Variants in IFT74 observed in about 807,000 individuals in gnomAD.
IFT74 encodes the protein intraflagellar transport 74.
In IFT74, 92 loss-of-function variants were observed where a neutral mutation model predicts 96.7. The ratio of observed to expected loss-of-function variants is 0.95; its 90% CI spans 0.80 to 1.13. IFT74 has a LOEUF of 1.13. Ranked by LOEUF, IFT74 falls within the 50% of genes most tolerant of loss-of-function variation. The pLI is 0.00. For synonymous variants in IFT74, 223 were observed against 213.2 expected (o/e 1.05, Z -0.40); for missense variants, 811 against 698.2 (o/e 1.16, Z -1.82).
At chr9:27,004,670 T>C (rs1042434953) in intron 8 of IFT74, among the ~76,000 whole-genome samples, 1 of 152,230 alleles carries the variant, frequency 6.6e-6, no homozygotes, top group Non-Finnish European at 1.5e-5. Flanking sequence ...CATTGTTGCT[T>C]TCTTTCTCCT....
intron 10 of IFT74, among the ~76,000 whole-genome samples, chr9:27,012,713 T>TTG (rs1554672805): frequency 2.3e-4 from 30 of 133,286 alleles, no homozygotes; most frequent in African/African-American, 7.1e-4. Flanking sequence ...TGTCTGTTTT[T>TTG]TTTTTTTTTT....
chr9:27,058,030 A>G (rs563007223), intron 18 of IFT74, among the ~76,000 whole-genome samples: 48 of 152,256 alleles, frequency 3.2e-4, no homozygotes, highest in Middle Eastern at 3.4e-3. Context: ...TATTGTTTTT[A>G]CAAAAAATAA....
At chr9:27,048,025 G>A in intron 15 of IFT74, 123 bp from the exon 16 acceptor site, 2 of 534,134 alleles carry the variant, frequency 3.7e-6, no homozygotes, top group Non-Finnish European at 6.2e-6. Flanking sequence ...AACTTGAATG[G>A]TGTATTTCAA....
chr9:26,965,289 A>G (rs1014693867), intron 2 of IFT74, among the ~76,000 whole-genome samples: 3 of 152,218 alleles, frequency 2.0e-5, no homozygotes, highest in Non-Finnish European at 4.4e-5. Context: ...GAGAAGGTGC[A>G]GAGGGCCAAT....
intron 11 of IFT74, 84 bp from the exon 12 acceptor site, chr9:27,018,563 T>G: frequency 1.5e-6 from 1 of 681,404 alleles, no homozygotes. Flanking sequence ...TTAGTACAAT[T>G]GTACTCTAGA....
chr9:27,044,111 C>CT (rs1819592107), intron 13 of IFT74, among the ~76,000 whole-genome samples: 1 of 152,204 alleles, frequency 6.6e-6, no homozygotes, highest in Non-Finnish European at 1.5e-5. Context: ...GGCCATACCA[C>CT]TCCCTCAGTT....
At chr9:27,032,581 G>A (rs577232999) in intron 13 of IFT74, among the ~76,000 whole-genome samples, 1 of 151,978 alleles carries the variant, frequency 6.6e-6, no homozygotes, top group East Asian at 1.9e-4. Flanking sequence ...AAAAAAAAGT[G>A]TCCTGGCCGG....
intron 1 of IFT74, among the ~76,000 whole-genome samples, chr9:26,957,451 A>G (rs1325864295): frequency 6.6e-6 from 1 of 152,222 alleles, no homozygotes; most frequent in Non-Finnish European, 1.5e-5. Context: ...TTTCCATTTG[A>G]AATTCTTTTG....
chr9:26,995,654 A>G, intron 8 of IFT74: 2 of 1,613,910 alleles, frequency 1.2e-6, no homozygotes, highest in Non-Finnish European at 8.5e-7. Flanking sequence ...TATCTGTGAA[A>G]GAGAGCTTGG....
intron 2 of IFT74, among the ~76,000 whole-genome samples, chr9:26,965,114 T>A (rs1195269949): frequency 1.3e-5 from 2 of 152,146 alleles, no homozygotes; most frequent in East Asian, 3.8e-4. Flanking sequence ...TACAAACTAC[T>A]TTCAAGATAT....
intron 8 of IFT74, among the ~76,000 whole-genome samples, chr9:27,000,979 C>T (rs1245389079): frequency 6.6e-6 from 1 of 152,162 alleles, no homozygotes; most frequent in African/African-American, 2.4e-5. Flanking sequence ...TTTCCAGCCT[C>T]TGGTAACCAC....
rs10967641 is a variant in IFT74 at position 26,984,426 on chromosome 9, T to A, written c.404+71T>A. On this transcript the variant is annotated intron_variant, in intron 5 of 19. Transcript: ENST00000380062. The stretch of plus-strand genomic sequence containing the variant: ...ATACTAACTTTGTAGCTATCCATAT[T>A]GTTTGTAATGTTCATTTTCTTATGT... The A allele has an allele frequency of 3.5e-3, 5,488 of 1,580,712 alleles. 173 individuals are homozygous for A. In the African/African-American group the frequency reaches 0.064, roughly 18 times the overall value.
rs769077886 is a variant in IFT74, at chr9:27,055,702, A to G, written c.1427A>G (p.Gln476Arg). The change falls in exon 17 of 20, where the codon CAA becomes CGA. Residue 476 changes from glutamine to arginine, a missense_variant. Transcript: ENST00000380062. ...EQHSLKSKIK[Q>R]MTTDLEIYND... ...CATTCTCTAAAAAGCAAAATTAAGC[A>G]AATGACAACTGATCTGGAGATATAT... The G allele has an allele frequency of 1.3e-6, 2 of 1,593,870 alleles. No individual in the cohort carries two copies. The highest frequency in any genetic ancestry group is 2.7e-5 in the African/African-American group (2 of 73,768).
chr9:26,978,709 C>A (rs553968877), intron 3 of IFT74, among the ~76,000 whole-genome samples: 1 of 152,068 alleles, frequency 6.6e-6, no homozygotes, highest in African/African-American at 2.4e-5. Flanking sequence ...ATTAAAATGA[C>A]ACTTAAAATA....
chr9:27,045,010 G>A (rs927240124), intron 14 of IFT74, among the ~76,000 whole-genome samples: 3 of 152,150 alleles, frequency 2.0e-5, no homozygotes, highest in Non-Finnish European at 2.9e-5. Flanking sequence ...ATACGTTGGG[G>A]CTAGATTCTA....
chr9:27,006,177 T>A (rs1425504686), intron 8 of IFT74, among the ~76,000 whole-genome samples: 1 of 152,200 alleles, frequency 6.6e-6, no homozygotes, highest in African/African-American at 2.4e-5. Flanking sequence ...CTTTGAAAAT[T>A]TTATTAAAGT....
intron 12 of IFT74, among the ~76,000 whole-genome samples, chr9:27,022,506 C>T (rs527335039): frequency 5.3e-5 from 8 of 152,122 alleles, no homozygotes; most frequent in Middle Eastern, 3.4e-3. Context: ...TGATTTCTTT[C>T]GGCAGTGTTT....
intron 12 of IFT74, among the ~76,000 whole-genome samples, chr9:27,027,648 A>AGC: frequency 6.6e-6 from 1 of 152,232 alleles, no homozygotes; most frequent in Admixed American, 6.5e-5. Context: ...CTCATTTTTT[A>AGC]AACTAGATTG....
chr9:26,999,852 G>GCCTTGATCTC, intron 8 of IFT74: 1 of 534,310 alleles, frequency 1.9e-6, no homozygotes, highest in East Asian at 3.1e-5. Flanking sequence ...GCTCACTGCA[G>GCCTTGATCTC]CCTTGATCTC....
Sources: allele counts gnomAD v4.1 joint callset (sites outside exome capture counted in the v4.1 genomes callset), GRCh38; gene constraint gnomAD v4.1.1; transcripts MANE v1.5; gene names NCBI Gene and HGNC (gene_info 2026-07-23, HGNC 2026-07-21).